The following PDE6A variants were observed in gnomAD, a reference collection of about 807,000 sequenced individuals.
PDE6A encodes the protein rod cGMP-specific 3',5'-cyclic phosphodiesterase subunit alpha.
A neutral mutation model predicts 106.3 loss-of-function variants in PDE6A; 84 were observed. The ratio of observed to expected loss-of-function variants is 0.79; its 90% CI spans 0.66 to 0.95. The LOEUF (loss-of-function observed/expected upper bound fraction) is 0.95. Among genes scored for constraint, PDE6A ranks in the 40% least tolerant of loss-of-function variants. PDE6A has a pLI of 0.00. For missense variants in PDE6A, 1,052 were observed against 1,084.9 expected, an observed-to-expected ratio of 0.97 and a Z score of 0.43; for synonymous variants, 394 against 386.6, an observed-to-expected ratio of 1.02 and a Z score of -0.23.
At chr5:149,900,787 C>G (rs767780703) in intron 8 of PDE6A, among the ~76,000 whole-genome samples, 21 of 152,078 alleles carry the variant, frequency 1.4e-4, no homozygotes, top group Non-Finnish European at 2.6e-4. Flanking sequence ...CCTGGCTGCC[C>G]GTAGCACTCT....
At chr5:149,910,341 T>C (rs1753336018) in intron 6 of PDE6A, among the ~76,000 whole-genome samples, 1 of 152,222 alleles carries the variant, frequency 6.6e-6, no homozygotes, top group Non-Finnish European at 1.5e-5. Context: ...GGATTTTTCA[T>C]CATATCTTGG....
Position 149,883,611 on chromosome 5 carries a change from A to G in PDE6A, c.2028-75T>C. 8.3e-6 allele frequency: 8 copies of G among 964,036 alleles called. No homozygotes were observed. The Middle Eastern group carries it at 1.0e-3, about 125-fold the overall frequency. The allele number at this position is 964,036 out of a possible 1,614,324, so 59.7% of individuals were successfully genotyped here. On this transcript the variant is annotated intron_variant, in intron 16 of 21. Transcript: ENST00000255266. ...ACACCTGAGCTGCTAACATTGGCTG[A>G]TTCAGATGGAGCCTTATTAAATCAA...
At position 149,860,925 on chromosome 5, in the gene PDE6A, TGCACC is replaced by T. The variant is rs1240421230; in HGVS notation, c.2548_2552del (p.Gly850AsnfsTer50). On this transcript the variant is annotated frameshift_variant, in exon 22 of 22. Coordinates refer to ENST00000255266, the MANE Select transcript of PDE6A (RefSeq NM_000440.3). LOFTEE classifies it high-confidence loss of function. Reference sequence around the variant, plus strand: ...GGATGCAGCAGGACTTGGATGTAGTTGCACCCCCTGGGCTGGGGTTTCCCCCCGGC... The same window carrying T: ...GGATGCAGCAGGACTTGGATGTAGTTCCCTGGGCTGGGGTTTCCCCCCGGC... 13 of 1,614,080 alleles carry T rather than the reference TGCACC, an allele frequency of 8.1e-6. No homozygotes were observed. Among genetic ancestry groups the T allele is most frequent in the Non-Finnish European group, 1.0e-5 (12 of 1,180,042 alleles).
At chr5:149,900,008 G>A (rs960248948) in intron 8 of PDE6A, among the ~76,000 whole-genome samples, 3 of 151,956 alleles carry the variant, frequency 2.0e-5, no homozygotes, top group East Asian at 3.9e-4. Context: ...TCTATAGAAT[G>A]GAAAGAATCT....
rs1186477518 is a variant in PDE6A, at chr5:149,896,496, C to T, written c.1480G>A (p.Glu494Lys). The change falls in exon 12 of 22, where the codon GAG becomes AAG. Residue 494 changes from glutamate to lysine, a missense_variant. Glu to Lys is a moderately conservative substitution (Grantham distance 56). Transcript: ENST00000255266. ...EEELAEILQAELPDADKYEIN... is the reference protein window; with the variant it reads ...EEELAEILQAKLPDADKYEIN... ...TCGTATTTATCTGCATCTGGCAGCT[C>T]CGCTTGCTGTATAAGGAATAGAGTC... 1 of 1,614,020 alleles carries T rather than the reference C, an allele frequency of 6.2e-7. No individual in the cohort carries two copies. Among genetic ancestry groups the T allele is most frequent in the African/African-American group, 1.3e-5 (1 of 74,906 alleles).
At chr5:149,940,463 T>C (rs1335476509) in intron 1 of PDE6A, among the ~76,000 whole-genome samples, 1 of 150,878 alleles carries the variant, frequency 6.6e-6, no homozygotes, top group Non-Finnish European at 1.5e-5. Flanking sequence ...GTCTGGCTTA[T>C]CTCACTAAGG....
rs1760332067 is a variant in PDE6A, at chr5:149,866,362, C to T, written c.2275-109G>A. On this transcript the variant is annotated intron_variant, in intron 19 of 21. Coordinates refer to ENST00000255266, the MANE Select transcript of PDE6A (RefSeq NM_000440.3). ...CTGTAAACTCATCATGTTTCCAGACCTGATGAGCATTTTGCAGGAAATAGG... is the reference window on the plus strand; with the variant it reads ...CTGTAAACTCATCATGTTTCCAGACTTGATGAGCATTTTGCAGGAAATAGG... The T allele has an allele frequency of 2.7e-5, 22 of 802,580 alleles. No homozygotes were observed. The South Asian group carries it at 3.1e-4, about 11-fold the overall frequency. 49.7% of individuals were successfully genotyped at this position (802,580 alleles called of 1,614,324 possible).
At position 149,897,615 on chromosome 5, in the gene PDE6A, G is replaced by C. The variant is rs144002718; in HGVS notation, c.1407+748C>G. Among the ~76,000 whole-genome samples, 264 of 152,180 alleles carry C rather than the reference G, an allele frequency of 1.7e-3. 1 individual carries two copies. The highest frequency in any genetic ancestry group is 4.3e-3 in the Admixed American group (66 of 15,294). On this transcript the variant is annotated intron_variant, in intron 10 of 21. Transcript: ENST00000255266. ...TTTTCTTTTTTTCTGGTCTCACTCTGTCAGCCAGGCTGAAGCATGGTGTGG... is the reference window on the plus strand; with the variant it reads ...TTTTCTTTTTTTCTGGTCTCACTCTCTCAGCCAGGCTGAAGCATGGTGTGG...
chr5:149,872,242 T>C (rs895345097), intron 17 of PDE6A, among the ~76,000 whole-genome samples: 1 of 152,190 alleles, frequency 6.6e-6, no homozygotes, highest in Admixed American at 6.5e-5. Context: ...GTTTGTAAAA[T>C]GAGATATTCA....
At chr5:149,873,836 A>C (rs1235080880) in intron 17 of PDE6A, among the ~76,000 whole-genome samples, 1 of 151,888 alleles carries the variant, frequency 6.6e-6, no homozygotes, top group African/African-American at 2.4e-5. Flanking sequence ...TCACACCCTC[A>C]CTCTAGAGTT....
At chr5:149,920,995 A>AAAGG (rs1753702961) in intron 5 of PDE6A, among the ~76,000 whole-genome samples, 1 of 137,290 alleles carries the variant, frequency 7.3e-6, no homozygotes, top group Non-Finnish European at 1.6e-5. Context: ...AGAAAGAAAG[A>AAAGG]AAAAGAAAGA....
chr5:149,895,334 GGTCTCATGA>G, intron 12 of PDE6A, 44 bp from the exon 13 acceptor site: 3 of 1,317,602 alleles, frequency 2.3e-6, no homozygotes, highest in Non-Finnish European at 3.3e-6. Flanking sequence ...CACCTGAAAT[GGTCTCATGA>G]GGGTTGGAAT....
chr5:149,909,788 C>G (rs372236268), intron 6 of PDE6A, among the ~76,000 whole-genome samples: 9 of 152,122 alleles, frequency 5.9e-5, no homozygotes, highest in African/African-American at 1.9e-4. Flanking sequence ...TATCTTTCAG[C>G]TCAGAATATT....
At chr5:149,884,262 A>ATATATATGTATATATGTGTATATATGTG (rs1761044347) in intron 16 of PDE6A, among the ~76,000 whole-genome samples, 1 of 146,858 alleles carries the variant, frequency 6.8e-6, no homozygotes, top group East Asian at 2.0e-4. Context: ...ATATATGTGT[A>ATATATATGTATATATGTGTATATATGTG]TATATATGTA....
chr5:149,862,997 G>A (rs1760196463), intron 21 of PDE6A, 122 bp downstream of exon 21: 18 of 1,173,758 alleles, frequency 1.5e-5, no homozygotes, highest in Non-Finnish European at 1.9e-5. Context: ...ACAGAATGGG[G>A]ACAGTATTGG....
intron 6 of PDE6A, among the ~76,000 whole-genome samples, chr5:149,911,153 T>G (rs1264838139): frequency 6.6e-6 from 1 of 152,066 alleles, no homozygotes; most frequent in Non-Finnish European, 1.5e-5. Context: ...AGTGCTGGGT[T>G]TATAGGTGTG....
rs577626508 is a variant in PDE6A, at chr5:149,889,906, C to CAA, written c.1729-3534_1729-3533dup. Among the ~76,000 whole-genome samples the CAA allele has an allele frequency of 8.2e-3, 673 of 81,686 alleles. 11 individuals are homozygous for CAA. The highest frequency in any genetic ancestry group is 0.029 in the African/African-American group (643 of 22,534). 53.6% of individuals were successfully genotyped at this position (81,686 alleles called of 152,430 possible). ...TGGGTGACAGAACAAGACTCTGTCT[C>CAA]AAAAAAAAAAAAAAAATTCAAGCAT... On this transcript the variant is annotated intron_variant, in intron 13 of 21. Transcript: ENST00000255266.
chr5:149,881,347 G>T (rs796571070), intron 17 of PDE6A, among the ~76,000 whole-genome samples: 9 of 152,254 alleles, frequency 5.9e-5, no homozygotes, highest in African/African-American at 2.2e-4. Context: ...AATCAACCTA[G>T]GTGCTCATCA....
chr5:149,926,438 A>G (rs576653372), intron 4 of PDE6A, among the ~76,000 whole-genome samples: 1 of 152,328 alleles, frequency 6.6e-6, no homozygotes, highest in African/African-American at 2.4e-5. Flanking sequence ...ATGCTTGTAC[A>G]GAAAAATGAA....
Sources: allele counts gnomAD v4.1 joint callset (sites outside exome capture counted in the v4.1 genomes callset), GRCh38; gene constraint gnomAD v4.1.1; transcripts MANE v1.5; gene names NCBI Gene and HGNC (gene_info 2026-07-23, HGNC 2026-07-21).